The following ALKBH8 variants were observed in gnomAD, a reference collection of about 807,000 sequenced individuals.
The protein encoded by ALKBH8 is alkB homolog 8, tRNA methyltransferase.
ALKBH8 carries 36 observed loss-of-function variants against 59.8 expected under a neutral mutation model. The ratio of observed to expected loss-of-function variants is 0.60; its 90% confidence interval spans 0.46 to 0.79. ALKBH8 has a LOEUF of 0.79. Ranked by LOEUF, ALKBH8 falls within the 30% of genes least tolerant of loss-of-function variation. ALKBH8 has a pLI of 0.00. For missense variants in ALKBH8, 768 were observed against 801.0 expected, an observed-to-expected ratio of 0.96 and a Z score of 0.50; for synonymous variants, 276 against 273.6, an observed-to-expected ratio of 1.01 and a Z score of -0.09.
intron 10 of ALKBH8, among the ~76,000 whole-genome samples, chr11:107,515,771 G>C (rs1226405576): frequency 2.6e-5 from 4 of 152,004 alleles, no homozygotes; most frequent in African/African-American, 4.8e-5. Context: ...ACTGAAACAA[G>C]GTTCCATTTT....
At chr11:107,537,452 G>C (rs1863866241) in intron 7 of ALKBH8, among the ~76,000 whole-genome samples, 1 of 151,968 alleles carries the variant, frequency 6.6e-6, no homozygotes, top group African/African-American at 2.4e-5. Flanking sequence ...ACTAGCACAG[G>C]AACAGAAAAC....
At chr11:107,513,537 TG>T (rs1862727241) in intron 10 of ALKBH8, among the ~76,000 whole-genome samples, 1 of 152,232 alleles carries the variant, frequency 6.6e-6, no homozygotes, top group East Asian at 1.9e-4. Flanking sequence ...ATTCCATTAT[TG>T]GGTATATATC....
intron 1 of ALKBH8, among the ~76,000 whole-genome samples, chr11:107,564,425 AG>A (rs1219299917): frequency 2.6e-5 from 4 of 152,226 alleles, no homozygotes; most frequent in Non-Finnish European, 5.9e-5. Context: ...AGCAAAGATT[AG>A]AAAGAATCTA....
intron 10 of ALKBH8, among the ~76,000 whole-genome samples, chr11:107,521,780 C>A (rs373301760): frequency 6.6e-6 from 1 of 152,054 alleles, no homozygotes; most frequent in African/African-American, 2.4e-5. Flanking sequence ...TTTGAGACTT[C>A]CTTTCCTCAA....
At position 107,560,782 on chromosome 11, in the gene ALKBH8, CTG is replaced by C. The variant is rs1306919409; in HGVS notation, c.110_111del (p.Thr37SerfsTer17). 1 of 1,611,968 alleles carries C rather than the reference CTG, an allele frequency of 6.2e-7. No individual in the cohort carries two copies. The highest frequency in any genetic ancestry group is 1.1e-5 in the South Asian group (1 of 90,754). ...HTLLRHEGIETVSYATQSLVV... is the reference protein window; with the variant it reads ...HTLLRHEGIEXVSYATQSLVV... ...TAGGTCACCTGAGTGGCATAGGATA[CTG>C]TCTCAATGCCTTCATGTCTCAGCAA... On this transcript the variant is annotated frameshift_variant, in exon 2 of 12. Coordinates refer to ENST00000428149, the MANE Select transcript of ALKBH8 (RefSeq NM_138775.3). LOFTEE classifies it high-confidence loss of function.
chr11:107,527,930 G>C (rs981969483), intron 8 of ALKBH8, among the ~76,000 whole-genome samples: 2 of 152,024 alleles, frequency 1.3e-5, no homozygotes, highest in African/African-American at 4.8e-5. Flanking sequence ...ATACCATTAA[G>C]TATATGATGT....
intron 3 of ALKBH8, among the ~76,000 whole-genome samples, chr11:107,556,477 AC>A (rs1206534415): frequency 4.6e-5 from 7 of 152,132 alleles, no homozygotes; most frequent in Non-Finnish European, 4.4e-5. Context: ...ATTTTGAAAA[AC>A]ACAATTAGGC....
chr11:107,516,613 A>C (rs1004361235), intron 10 of ALKBH8, among the ~76,000 whole-genome samples: 6 of 152,270 alleles, frequency 3.9e-5, no homozygotes, highest in Non-Finnish European at 7.3e-5. Context: ...ATGGGATTAG[A>C]TCAAACTAAA....
intron 9 of ALKBH8, 67 bp downstream of exon 9, chr11:107,525,374 A>G (rs1273648336): frequency 5.8e-5 from 82 of 1,413,748 alleles, no homozygotes; most frequent in Non-Finnish European, 2.8e-6. Flanking sequence ...AGGTGTTGAC[A>G]GGACCTTAAA....
In ALKBH8 at chr11:107,504,467, C is replaced by A. The variant is rs187092724; in HGVS notation, c.*191G>T. Reference sequence around the variant, plus strand: ...CTAGGGAAGTAGGAGGAGCCAACACCACATCTGTGATGTCAGCCAACAGGA... The same window carrying A: ...CTAGGGAAGTAGGAGGAGCCAACACAACATCTGTGATGTCAGCCAACAGGA... On this transcript the variant is annotated 3_prime_UTR_variant, in exon 12 of 12. Transcript: ENST00000428149. The A allele has an allele frequency of 2.5e-3, 1,829 of 726,624 alleles. 25 individuals are homozygous for A. In the African/African-American group the frequency reaches 0.028, roughly 11 times the overall value. The allele number at this position is 726,624 out of a possible 1,614,324, so 45.0% of individuals were successfully genotyped here. A position where few individuals can be genotyped will look rare whatever the true frequency, so the allele number is the denominator to read the frequency against.
intron 4 of ALKBH8, among the ~76,000 whole-genome samples, chr11:107,553,516 C>T (rs1864579846): frequency 6.6e-6 from 1 of 152,016 alleles, no homozygotes; most frequent in South Asian, 2.1e-4. Context: ...AGGAAGCTCT[C>T]ACTATATTAT....
Position 107,505,215 on chromosome 11 carries a change from C to G in ALKBH8, c.1438G>C (p.Glu480Gln). The G allele has an allele frequency of 4.0e-6, 6 of 1,516,874 alleles. No individual in the cohort carries two copies. The highest frequency in any genetic ancestry group is 5.3e-6 in the Non-Finnish European group (6 of 1,131,728). 94.0% of individuals were successfully genotyped at this position (1,516,874 alleles called of 1,614,324 possible). Reference protein sequence around the residue: ...IAVIHHFATAERRVAALQEIV... With the variant: ...IAVIHHFATAQRRVAALQEIV... ...TCTTGGAGAGCTGCCACTCTACGCT[C>G]CTAATGAAAAAAAACAAAACACATG... The change falls in exon 12 of 12, where the codon GAG becomes CAG. Residue 480 changes from glutamate (E) to glutamine (Q), a missense_variant and splice_region_variant. Glu to Gln is a conservative substitution (Grantham distance 29). Transcript: ENST00000428149.
At chr11:107,515,755 G>T (rs1351356048) in intron 10 of ALKBH8, among the ~76,000 whole-genome samples, 1 of 152,038 alleles carries the variant, frequency 6.6e-6, no homozygotes, top group Non-Finnish European at 1.5e-5. Flanking sequence ...ATAAGCAAAG[G>T]TGCAAACTGA....
chr11:107,553,053 A>T, intron 5 of ALKBH8, 55 bp downstream of exon 5: 1 of 1,065,644 alleles, frequency 9.4e-7, no homozygotes, highest in South Asian at 1.6e-5. Context: ...ATCATATTCT[A>T]CTAATATATT....
Position 107,510,189 on chromosome 11 carries a change from T to C in ALKBH8, c.1437+698A>G, listed in dbSNP as rs140483742. Among the ~76,000 whole-genome samples, 242 of 152,300 alleles carry C rather than the reference T, an allele frequency of 1.6e-3. 1 individual carries two copies. Among genetic ancestry groups the C allele is most frequent in the African/African-American group, 5.7e-3 (235 of 41,556 alleles). ...TTTGTTTTGAACTCAGTTAAGGTCATAAGGTCTACTGAAACTGCTGGTGAC... is the reference window on the plus strand; with the variant it reads ...TTTGTTTTGAACTCAGTTAAGGTCACAAGGTCTACTGAAACTGCTGGTGAC... On this transcript the variant is annotated intron_variant, in intron 11 of 11. Transcript: ENST00000428149.
intron 2 of ALKBH8, 89 bp from the exon 3 acceptor site, chr11:107,557,092 A>C (rs1864750277): frequency 1.0e-6 from 1 of 982,702 alleles, no homozygotes; most frequent in African/African-American, 1.7e-5. Context: ...TTTTTAAAAA[A>C]GATGTAATTA....
intron 11 of ALKBH8, among the ~76,000 whole-genome samples, chr11:107,506,617 T>C (rs1862398061): frequency 6.6e-6 from 1 of 152,118 alleles, no homozygotes; most frequent in South Asian, 2.1e-4. Context: ...ATAGTTCAAG[T>C]CAGTATAAGT....
intron 9 of ALKBH8, among the ~76,000 whole-genome samples, chr11:107,524,691 A>G (rs1421228557): frequency 6.6e-6 from 1 of 152,222 alleles, no homozygotes; most frequent in Non-Finnish European, 1.5e-5. Context: ...AGAAATTTCA[A>G]GTTTTCTAAA....
chr11:107,547,371 A>C (rs992761318), intron 7 of ALKBH8, among the ~76,000 whole-genome samples: 1 of 152,212 alleles, frequency 6.6e-6, no homozygotes, highest in African/African-American at 2.4e-5. Context: ...ACCACTTGAA[A>C]TCCTACTTCT....
Sources: allele counts gnomAD v4.1 joint callset (sites outside exome capture counted in the v4.1 genomes callset), GRCh38; gene constraint gnomAD v4.1.1; transcripts MANE v1.5; gene names NCBI Gene and HGNC (gene_info 2026-07-23, HGNC 2026-07-21).